ZDHHC14: variants seen among roughly 807,000 people sequenced by gnomAD.
The protein encoded by ZDHHC14 is zDHHC palmitoyltransferase 14, also known as palmitoyltransferase ZDHHC14.
ZDHHC14 carries 16 observed loss-of-function variants against 47.7 expected under a neutral mutation model. The ratio of observed to expected loss-of-function variants is 0.34; its 90% CI spans 0.23 to 0.51. The LOEUF (loss-of-function observed/expected upper bound fraction) is 0.51. Ranked by LOEUF, ZDHHC14 falls within the 20% of genes least tolerant of loss-of-function variation. The pLI is 0.97. For synonymous variants in ZDHHC14, 293 were observed against 278.9 expected (o/e 1.05, Z -0.50); for missense variants, 515 against 662.5 (o/e 0.78, Z 2.44).
intron 2 of ZDHHC14, among the ~76,000 whole-genome samples, chr6:157,576,585 T>C (rs1007412410): frequency 6.6e-6 from 1 of 152,222 alleles, no homozygotes; most frequent in African/African-American, 2.4e-5. Flanking sequence ...TATGAAAATT[T>C]AAGATGTGTT....
intron 8 of ZDHHC14, among the ~76,000 whole-genome samples, chr6:157,656,971 C>T (rs1405913827): frequency 6.6e-6 from 1 of 152,146 alleles, no homozygotes. Flanking sequence ...ACAGTGCACT[C>T]TCTGCCATGC....
chr6:157,485,610 C>T (rs577754360), intron 1 of ZDHHC14, among the ~76,000 whole-genome samples: 2 of 152,040 alleles, frequency 1.3e-5, no homozygotes, highest in Non-Finnish European at 2.9e-5. Context: ...CAGTGACTGA[C>T]TCTTAAAAGG....
chr6:157,525,970 C>T (rs937728622), intron 1 of ZDHHC14, among the ~76,000 whole-genome samples: 5 of 152,156 alleles, frequency 3.3e-5, no homozygotes, highest in African/African-American at 4.8e-5. Context: ...GAATTATTCT[C>T]TGAGCTTTGA....
intron 1 of ZDHHC14, among the ~76,000 whole-genome samples, chr6:157,453,007 C>T (rs1297064561): frequency 6.6e-6 from 1 of 152,064 alleles, no homozygotes; most frequent in African/African-American, 2.4e-5. Flanking sequence ...GCAGTTGATC[C>T]TCCAGAGAAG....
intron 1 of ZDHHC14, among the ~76,000 whole-genome samples, chr6:157,425,936 C>A (rs1243200525): frequency 6.6e-6 from 1 of 152,182 alleles, no homozygotes; most frequent in Non-Finnish European, 1.5e-5. Flanking sequence ...GCCTAACCAC[C>A]TCCTACTATC....
intron 1 of ZDHHC14, among the ~76,000 whole-genome samples, chr6:157,484,370 A>G: frequency 6.8e-6 from 1 of 146,884 alleles, no homozygotes. Context: ...ATATATACGT[A>G]TATATACACA....
chr6:157,493,755 C>T (rs375361332), intron 1 of ZDHHC14, among the ~76,000 whole-genome samples: 26 of 152,236 alleles, frequency 1.7e-4, no homozygotes, highest in Admixed American at 1.2e-3. Flanking sequence ...TTCGTGTCTG[C>T]GCACCCAGGT....
chr6:157,509,357 A>T (rs1217701922), intron 1 of ZDHHC14, among the ~76,000 whole-genome samples: 2 of 152,184 alleles, frequency 1.3e-5, no homozygotes, highest in East Asian at 3.8e-4. Flanking sequence ...TGCCTGCCAC[A>T]TGTATACACA....
chr6:157,648,162 T>C (rs147839912), intron 7 of ZDHHC14, among the ~76,000 whole-genome samples: 1 of 152,226 alleles, frequency 6.6e-6, no homozygotes, highest in African/African-American at 2.4e-5. Flanking sequence ...GAGTTACACC[T>C]ATGGAGAATA....
At chr6:157,637,972 A>G (rs897481358) in intron 5 of ZDHHC14, among the ~76,000 whole-genome samples, 4 of 152,216 alleles carry the variant, frequency 2.6e-5, no homozygotes, top group African/African-American at 9.6e-5. Context: ...CATCAGGCCC[A>G]CATAAAACCC....
At position 157,421,361 on chromosome 6, in the gene ZDHHC14, G is replaced by A. The variant is rs568481664; in HGVS notation, c.245+39095G>A. Among the ~76,000 whole-genome samples the A allele has an allele frequency of 1.1e-4, 16 of 151,628 alleles. No individual in the cohort carries two copies. In the East Asian group the frequency reaches 1.6e-3, roughly 15 times the overall value. On this transcript the variant is annotated intron_variant, in intron 1 of 8. Transcript: ENST00000359775. ...AAAAAAATTTGCTGGGTGTGGTGGC[G>A]GTCGCCTGTAGTCCCAGCTATTCGG...
intron 1 of ZDHHC14, among the ~76,000 whole-genome samples, chr6:157,486,156 T>C (rs1779774004): frequency 6.6e-6 from 1 of 152,228 alleles, no homozygotes; most frequent in South Asian, 2.1e-4. Context: ...TGGGCCTCTG[T>C]ATGACAGTCT....
intron 1 of ZDHHC14, among the ~76,000 whole-genome samples, chr6:157,514,292 C>T (rs1401851781): frequency 1.3e-5 from 2 of 152,182 alleles, no homozygotes; most frequent in Non-Finnish European, 2.9e-5. Context: ...CACACTGTAC[C>T]GTCACTCCCC....
In ZDHHC14 at chr6:157,658,855, C is replaced by A. The variant is rs1387052306; in HGVS notation, c.1068+5228C>A. The stretch of plus-strand genomic sequence containing the variant: ...AAGGAGTTGAGAAGTGCTTCTTACT[C>A]TTCTGTCTCGAAAAGTTTGTGAAGA... On this transcript the variant is annotated intron_variant, in intron 8 of 8. Coordinates refer to ENST00000359775, the MANE Select transcript of ZDHHC14 (RefSeq NM_024630.3). 3.9e-5 allele frequency among the ~76,000 whole-genome samples: 6 copies of A among 152,280 alleles called. No individual in the cohort carries two copies. In the East Asian group the frequency reaches 1.2e-3, roughly 29 times the overall value.
At chr6:157,385,878 G>A (rs1777299378) in intron 1 of ZDHHC14, among the ~76,000 whole-genome samples, 1 of 152,222 alleles carries the variant, frequency 6.6e-6, no homozygotes, top group Non-Finnish European at 1.5e-5. Flanking sequence ...ATAACCCTGG[G>A]CAAATGATTG....
At chr6:157,484,390 G>A (rs535692181) in intron 1 of ZDHHC14, among the ~76,000 whole-genome samples, 2 of 135,190 alleles carry the variant, frequency 1.5e-5, no homozygotes, top group South Asian at 2.3e-4. Flanking sequence ...ACATATATAC[G>A]TATATATACA....
chr6:157,506,530 T>C (rs1389845521), intron 1 of ZDHHC14, among the ~76,000 whole-genome samples: 1 of 152,222 alleles, frequency 6.6e-6, no homozygotes, highest in Non-Finnish European at 1.5e-5. Context: ...ATTATTTTCC[T>C]GTTGCCTTAG....
intron 1 of ZDHHC14, among the ~76,000 whole-genome samples, chr6:157,414,310 T>C (rs552869366): frequency 6.6e-6 from 1 of 152,316 alleles, no homozygotes; most frequent in South Asian, 2.1e-4. Flanking sequence ...GGCTTTGCTT[T>C]CTTCATCTCT....
At chr6:157,610,641 G>A (rs890735612) in intron 3 of ZDHHC14, among the ~76,000 whole-genome samples, 3 of 152,202 alleles carry the variant, frequency 2.0e-5, no homozygotes, top group African/African-American at 7.2e-5. Flanking sequence ...GGCCCACAGA[G>A]CGGCCTTGGT....
Sources: gnomAD v4.1 joint callset for allele counts (sites outside exome capture counted in the v4.1 genomes callset) on GRCh38, gnomAD v4.1.1 for gene constraint, MANE v1.5 for transcripts, NCBI Gene and HGNC (gene_info 2026-07-23, HGNC 2026-07-21) for gene names.